Variants in ADGRL3 observed in about 807,000 individuals in gnomAD.
The protein encoded by ADGRL3 is adhesion G protein-coupled receptor L3, also known as calcium-independent alpha-latrotoxin receptor 3.
ADGRL3 carries 62 observed loss-of-function variants against 153.5 expected under a neutral mutation model. That is an observed-to-expected ratio of 0.40 (90% CI 0.33 to 0.50). The LOEUF (loss-of-function observed/expected upper bound fraction) is 0.50, where lower values mean the gene tolerates loss of function less well. ADGRL3 is among the 20% of genes least tolerant of loss of function. The pLI is 0.47. For synonymous variants in ADGRL3, 710 were observed against 672.5 expected (o/e 1.06, Z -0.86); for missense variants, 1,641 against 1,859.4 (o/e 0.88, Z 2.16).
At chr4:61,235,073 G>C (rs561802717) in intron 1 of ADGRL3, among the ~76,000 whole-genome samples, 2 of 152,114 alleles carry the variant, frequency 1.3e-5, no homozygotes, top group African/African-American at 4.8e-5. Flanking sequence ...TGCACATGTA[G>C]ATAACAGTAT....
intron 6 of ADGRL3, among the ~76,000 whole-genome samples, chr4:61,709,166 A>G (rs1006296935): frequency 6.6e-6 from 1 of 152,118 alleles, no homozygotes; most frequent in Non-Finnish European, 1.5e-5. Flanking sequence ...TGTTATATTG[A>G]TCTTATTATT....
In ADGRL3 at chr4:61,522,214, G is replaced by T. The variant is rs532903974; in HGVS notation, c.259+4696G>T. Among the ~76,000 whole-genome samples the T allele has an allele frequency of 5.3e-5, 8 of 152,214 alleles. No individual in the cohort carries two copies. The South Asian group carries it at 1.7e-3, about 32-fold the overall frequency. On this transcript the variant is annotated intron_variant, in intron 4 of 26. Transcript: ENST00000683033. The stretch of plus-strand genomic sequence containing the variant: ...CAATGCAAAATTTGGAGAAGCAGGA[G>T]ACCACTCTGCCCATATTTGCTCTCA...
rs574475967 is a variant in ADGRL3, at chr4:61,572,216, A to C, written c.260-15011A>C. On this transcript the variant is annotated intron_variant, in intron 4 of 26. Transcript: ENST00000683033. ...ACCATACAAAACACTATAATCATGC[A>C]ATTCATCATTTCTTTAAAAGTGCAA... Among the ~76,000 whole-genome samples, 34 of 152,280 alleles carry C rather than the reference A, an allele frequency of 2.2e-4. No individual in the cohort carries two copies. The South Asian group carries it at 5.6e-3, about 25-fold the overall frequency.
intron 13 of ADGRL3, among the ~76,000 whole-genome samples, chr4:61,913,724 C>G (rs985349340): frequency 3.3e-5 from 5 of 151,704 alleles, no homozygotes; most frequent in Non-Finnish European, 7.4e-5. Flanking sequence ...TATTCACATC[C>G]GCTATCCTCG....
Position 62,028,912 on chromosome 4 carries a change from C to T in ADGRL3, c.3422+31C>T, listed in dbSNP as rs1047524191. Reference sequence around the variant, plus strand: ...AATGACCTGAATGGCTGATAAATTCCGTTTATCAGTGTGGTCCCATGAACC... The same window carrying T: ...AATGACCTGAATGGCTGATAAATTCTGTTTATCAGTGTGGTCCCATGAACC... On this transcript the variant is annotated intron_variant, in intron 22 of 26. Coordinates refer to ENST00000683033, the MANE Select transcript of ADGRL3 (RefSeq NM_001387552.1). The T allele has an allele frequency of 8.2e-6, 13 of 1,587,600 alleles. No homozygotes were observed. The Middle Eastern group carries it at 5.0e-4, about 61-fold the overall frequency.
chr4:61,844,397 C>T (rs1307449620), intron 9 of ADGRL3, among the ~76,000 whole-genome samples: 1 of 149,698 alleles, frequency 6.7e-6, no homozygotes, highest in Non-Finnish European at 1.5e-5. Flanking sequence ...AAATGCAAAA[C>T]TTAGCTAGGC....
chr4:61,393,574 A>G (rs1691354274), intron 2 of ADGRL3, among the ~76,000 whole-genome samples: 1 of 152,030 alleles, frequency 6.6e-6, no homozygotes, highest in South Asian at 2.1e-4. Flanking sequence ...CCTTTACTTA[A>G]TTATGAAACA....
chr4:62,071,748 C>CT lies in ADGRL3; in HGVS notation c.*846dup. ...TTCTCTTTCTTCATTTTCTTTTTTT[C>CT]TTTTTTGCCTTTTATTCCTTTAAAA... On this transcript the variant is annotated 3_prime_UTR_variant, in exon 27 of 27. Transcript: ENST00000683033. 1 of 400,250 alleles carries CT rather than the reference C, an allele frequency of 2.5e-6. No individual in the cohort carries two copies. Among genetic ancestry groups the CT allele is most frequent in the Admixed American group, 2.8e-5 (1 of 35,336 alleles). 24.8% of individuals were successfully genotyped at this position (400,250 alleles called of 1,614,324 possible).
At chr4:61,252,589 G>A (rs1165545272) in intron 1 of ADGRL3, among the ~76,000 whole-genome samples, 2 of 151,998 alleles carry the variant, frequency 1.3e-5, no homozygotes, top group Admixed American at 1.3e-4. Context: ...TATTTGTTTG[G>A]AAGTGAAAGC....
At chr4:62,037,596 T>C in intron 23 of ADGRL3, 135 bp from the exon 24 acceptor site, 1 of 969,620 alleles carries the variant, frequency 1.0e-6, no homozygotes, top group Non-Finnish European at 1.6e-6. Context: ...AAATATATGC[T>C]GAACAGACTT....
At chr4:61,809,414 T>C (rs945356705) in intron 8 of ADGRL3, among the ~76,000 whole-genome samples, 2 of 152,140 alleles carry the variant, frequency 1.3e-5, no homozygotes, top group African/African-American at 2.4e-5. Context: ...GCAGCATATT[T>C]AGTTCTTTAA....
At chr4:61,406,151 G>A (rs1249772916) in intron 2 of ADGRL3, among the ~76,000 whole-genome samples, 1 of 151,758 alleles carries the variant, frequency 6.6e-6, no homozygotes. Flanking sequence ...AACAGATTCT[G>A]TGTGCTTCTT....
In ADGRL3 at chr4:61,892,694, AC is replaced by A; in HGVS notation, c.1521del (p.Thr508ProfsTer10). On this transcript the variant is annotated frameshift_variant, in exon 10 of 27. Coordinates refer to ENST00000683033, the MANE Select transcript of ADGRL3 (RefSeq NM_001387552.1). LOFTEE classifies it high-confidence loss of function. ...TTGPLGMGST[T>X]TSTTLRTTTL... ...AGGACCTCTTGGCATGGGAAGCACT[AC>A]CACCAGTACCACCCTTCGGACCACA... 1 of 1,613,940 alleles carries A rather than the reference AC, an allele frequency of 6.2e-7. No homozygotes were observed.
At position 61,940,144 on chromosome 4, in the gene ADGRL3, T is replaced by C. The variant is rs1452081490; in HGVS notation, c.2419+4099T>C. Reference sequence around the variant, plus strand: ...CCCTTCCTGTGTCCATGTGATCTCATTGTTCAATTCCCACCTATGAGTGAG... The same window carrying C: ...CCCTTCCTGTGTCCATGTGATCTCACTGTTCAATTCCCACCTATGAGTGAG... On this transcript the variant is annotated intron_variant, in intron 15 of 26. Transcript: ENST00000683033. Among the ~76,000 whole-genome samples, 4 of 105,916 alleles carry C rather than the reference T, an allele frequency of 3.8e-5. No homozygotes were observed. The East Asian group carries it at 8.8e-4, about 23-fold the overall frequency. 69.5% of individuals were successfully genotyped at this position (105,916 alleles called of 152,430 possible).
intron 2 of ADGRL3, among the ~76,000 whole-genome samples, chr4:61,389,120 G>A (rs1431312084): frequency 6.6e-6 from 1 of 152,206 alleles, no homozygotes; most frequent in East Asian, 1.9e-4. Flanking sequence ...AACTCTGGAA[G>A]CAGCATGCAT....
intron 1 of ADGRL3, among the ~76,000 whole-genome samples, chr4:61,382,028 G>A (rs1324422560): frequency 1.3e-5 from 2 of 151,776 alleles, no homozygotes; most frequent in South Asian, 2.1e-4. Flanking sequence ...TCACTAATTT[G>A]TTTTCATTTT....
chr4:61,272,937 A>T (rs553269558), intron 1 of ADGRL3, among the ~76,000 whole-genome samples: 7 of 152,238 alleles, frequency 4.6e-5, no homozygotes, highest in African/African-American at 1.7e-4. Context: ...TGTGGATCCT[A>T]GACTCAGAGT....
At chr4:61,656,055 T>C (rs1020598831) in intron 5 of ADGRL3, among the ~76,000 whole-genome samples, 1 of 152,178 alleles carries the variant, frequency 6.6e-6, no homozygotes, top group African/African-American at 2.4e-5. Flanking sequence ...ATTTTCTTAA[T>C]CACAGGTTTT....
chr4:61,905,149 T>G (rs2098689325), intron 11 of ADGRL3, among the ~76,000 whole-genome samples: 1 of 152,166 alleles, frequency 6.6e-6, no homozygotes, highest in Non-Finnish European at 1.5e-5. Context: ...TGGAACATTA[T>G]AGGAATTCCA....
Sources: gnomAD v4.1 joint callset for allele counts (sites outside exome capture counted in the v4.1 genomes callset) on GRCh38, gnomAD v4.1.1 for gene constraint, MANE v1.5 for transcripts, NCBI Gene and HGNC (gene_info 2026-07-23, HGNC 2026-07-21) for gene names.